SORCS1: variants seen among roughly 807,000 people sequenced by gnomAD.
SORCS1 encodes the protein sortilin related VPS10 domain containing receptor 1, also known as VPS10 domain-containing receptor SorCS1.
In SORCS1, 60 loss-of-function variants were observed where a neutral mutation model predicts 146.1. The ratio of observed to expected loss-of-function variants is 0.41; its 90% CI spans 0.33 to 0.51. The LOEUF is 0.51. Ranked by LOEUF, SORCS1 falls within the 20% of genes least tolerant of loss-of-function variation. The probability of loss-of-function intolerance (pLI) is 0.21; values close to 1 mark genes in which losing one functional copy is unlikely to be tolerated. For missense variants in SORCS1, 1,352 were observed against 1,487.6 expected, an observed-to-expected ratio of 0.91 and a Z score of 1.50; for synonymous variants, 637 against 584.0, an observed-to-expected ratio of 1.09 and a Z score of -1.31.
Position 106,677,399 on chromosome 10 carries a change from A to C in SORCS1, c.1746T>G (p.Phe582Leu), listed in dbSNP as rs759773150. 6.2e-7 allele frequency: 1 copy of C among 1,613,884 alleles called. No homozygotes were observed. The highest frequency in any genetic ancestry group is 8.5e-7 in the Non-Finnish European group (1 of 1,179,806). Residue 582 changes from phenylalanine (F) to leucine (L), a missense_variant, in exon 13 of 26, where the codon TTT becomes TTG. Coordinates refer to ENST00000263054, the MANE Select transcript of SORCS1 (RefSeq NM_052918.5). ...SDAGNTWRQI[F>L]EEEHSVLYLD... ...GGTACAAAACACTGTGCTCTTCTTC[A>C]AAGATCTGGATGAGGAAAACACATA... is the stretch of plus-strand genomic sequence containing the variant.
At chr10:106,955,017 T>G (rs929590120) in intron 2 of SORCS1, among the ~76,000 whole-genome samples, 1 of 152,232 alleles carries the variant, frequency 6.6e-6, no homozygotes, top group Non-Finnish European at 1.5e-5. Flanking sequence ...CAACGGGAAG[T>G]AGCAGTGGCG....
chr10:106,999,559 A>AT (rs1264039367), intron 1 of SORCS1, among the ~76,000 whole-genome samples: 8 of 152,148 alleles, frequency 5.3e-5, no homozygotes, highest in Non-Finnish European at 1.2e-4. Context: ...CAGGGTACAC[A>AT]TTTTTTCTCT....
chr10:106,952,997 C>T (rs923904607), intron 2 of SORCS1, among the ~76,000 whole-genome samples: 24 of 151,660 alleles, frequency 1.6e-4, no homozygotes, highest in African/African-American at 5.3e-4. Flanking sequence ...ACTACTACTA[C>T]TACTAATAAT....
At chr10:107,053,206 C>T (rs555282730) in intron 1 of SORCS1, among the ~76,000 whole-genome samples, 3 of 152,222 alleles carry the variant, frequency 2.0e-5, no homozygotes, top group Admixed American at 6.5e-5. Context: ...TTGTGATTTC[C>T]GCTAGCAGAG....
chr10:107,143,301 A>C (rs1305569535), intron 1 of SORCS1, among the ~76,000 whole-genome samples: 3 of 152,040 alleles, frequency 2.0e-5, no homozygotes, highest in Admixed American at 1.3e-4. Context: ...TTATACATTC[A>C]CAATAAAGTC....
At chr10:107,116,481 C>T (rs571982788) in intron 1 of SORCS1, among the ~76,000 whole-genome samples, 1 of 152,094 alleles carries the variant, frequency 6.6e-6, no homozygotes, top group South Asian at 2.1e-4. Flanking sequence ...AGCAATGGAA[C>T]ATTATACAGC....
chr10:106,955,701 C>T (rs76213651), intron 2 of SORCS1, among the ~76,000 whole-genome samples: 3,435 of 152,266 alleles, frequency 0.023, 97 homozygotes, highest in South Asian at 0.11. Context: ...GGAATGTTGC[C>T]CTGGGCCAGG....
intron 9 of SORCS1, among the ~76,000 whole-genome samples, chr10:106,696,438 G>A (rs1853709243): frequency 6.6e-6 from 1 of 152,196 alleles, no homozygotes; most frequent in Admixed American, 6.5e-5. Context: ...TAGGTAATCA[G>A]CAGATACGGC....
chr10:106,844,456 G>GT, intron 2 of SORCS1, among the ~76,000 whole-genome samples: 1 of 151,794 alleles, frequency 6.6e-6, no homozygotes, highest in Middle Eastern at 3.4e-3. Flanking sequence ...TTATGTTTAA[G>GT]TTTTTACTCA....
At chr10:106,868,438 A>G (rs1037203653) in intron 2 of SORCS1, among the ~76,000 whole-genome samples, 6 of 152,206 alleles carry the variant, frequency 3.9e-5, no homozygotes, top group Non-Finnish European at 8.8e-5. Context: ...AATCGACCAC[A>G]TAACTGGACA....
intron 24 of SORCS1, among the ~76,000 whole-genome samples, chr10:106,579,990 T>A (rs959704801): frequency 6.6e-6 from 1 of 152,012 alleles, no homozygotes. Flanking sequence ...GAGTGTAAGC[T>A]TTTTCCACAA....
chr10:106,976,481 G>T (rs1392383719), intron 1 of SORCS1, among the ~76,000 whole-genome samples: 1 of 151,730 alleles, frequency 6.6e-6, no homozygotes, highest in African/African-American at 2.4e-5. Context: ...ACAGAAGCCC[G>T]CCACCACACC....
At chr10:106,621,594 T>TTCTTTGGGGGGGTCTAGACTTCTTTG (rs1418106972) in intron 19 of SORCS1, among the ~76,000 whole-genome samples, 2 of 151,892 alleles carry the variant, frequency 1.3e-5, no homozygotes, top group African/African-American at 4.8e-5. Context: ...GGCTCTAGAC[T>TTCTTTGGGGGGGTCTAGACTTCTTTG]CCTTCTGGGG....
chr10:106,709,326 G>C lies in SORCS1; in HGVS notation c.1040C>G (p.Thr347Ser), dbSNP rs764898299. ...RTVDGHSHYL[T>S]CRMQNCTEAN... is the part of the protein sequence containing the mutation. ...CTCTGTACAGTTCTGCATTCGGCAA[G>C]TTAGATAATGTGAATCTGAAAAACA... The change falls in exon 7 of 26, where the codon ACT becomes AGT. Residue 347 changes from threonine (T) to serine (S), a missense_variant. Transcript: ENST00000263054. 8 of 1,611,998 alleles carry C rather than the reference G, an allele frequency of 5.0e-6. No homozygotes were observed. The South Asian group carries it at 8.8e-5, about 18-fold the overall frequency.
intron 1 of SORCS1, among the ~76,000 whole-genome samples, chr10:107,127,041 G>A (rs1370246531): frequency 6.6e-6 from 1 of 152,112 alleles, no homozygotes; most frequent in Non-Finnish European, 1.5e-5. Context: ...GATCTTTGAT[G>A]GCTTTGGAAG....
intron 1 of SORCS1, among the ~76,000 whole-genome samples, chr10:106,998,842 G>T (rs1957100960): frequency 6.6e-6 from 1 of 152,154 alleles, no homozygotes; most frequent in South Asian, 2.1e-4. Context: ...ATTAATTTCT[G>T]TGGTTAGTAA....
intron 1 of SORCS1, among the ~76,000 whole-genome samples, chr10:106,962,394 C>CAAAAAAAAAAAAAAAAAAAAAAA (rs60616146): frequency 9.6e-5 from 6 of 62,580 alleles, no homozygotes; most frequent in African/African-American, 1.9e-4. Flanking sequence ...AACTCCATCT[C>CAAAAAAAAAAAAAAAAAAAAAAA]AAAAAAAAAA....
At chr10:106,899,312 T>C (rs927199192) in intron 2 of SORCS1, among the ~76,000 whole-genome samples, 36 of 152,190 alleles carry the variant, frequency 2.4e-4, no homozygotes, top group African/African-American at 8.4e-4. Flanking sequence ...CTATGTAGAC[T>C]GAGAACTAAA....
chr10:106,695,528 C>T (rs141542632), intron 9 of SORCS1, among the ~76,000 whole-genome samples: 121 of 152,238 alleles, frequency 7.9e-4, no homozygotes, highest in Middle Eastern at 3.4e-3. Flanking sequence ...ACCATCTTTG[C>T]GGTCTTGCAA....
Sources: gnomAD v4.1 joint callset for allele counts (sites outside exome capture counted in the v4.1 genomes callset) on GRCh38, gnomAD v4.1.1 for gene constraint, MANE v1.5 for transcripts, NCBI Gene and HGNC (gene_info 2026-07-23, HGNC 2026-07-21) for gene names.